The following ITSN1 variants were observed in gnomAD, a reference collection of about 807,000 sequenced individuals.
ITSN1 encodes the protein intersectin 1.
In ITSN1, 58 loss-of-function variants were observed where a neutral mutation model predicts 239.8. The observed-to-expected ratio is 0.24, with a 90% CI of 0.20 to 0.30. The LOEUF is 0.30. Ranked by LOEUF, ITSN1 falls within the 10% of genes least tolerant of loss-of-function variation. The pLI is 1.00. For synonymous variants in ITSN1, 780 were observed against 770.8 expected (o/e 1.01, Z -0.20); for missense variants, 1,558 against 2,103.3 (o/e 0.74, Z 5.07).
At chr21:33,866,705 C>T (rs762873379) in intron 32 of ITSN1, among the ~76,000 whole-genome samples, 2 of 152,204 alleles carry the variant, frequency 1.3e-5, no homozygotes, top group African/African-American at 4.8e-5. Context: ...AGTGGCCAGA[C>T]CCTGAAACTG....
chr21:33,675,399 T>TAA lies in ITSN1; in HGVS notation c.-33+32694_-33+32695dup, dbSNP rs1470241783. Among the ~76,000 whole-genome samples, 4 of 150,528 alleles carry TAA rather than the reference T, an allele frequency of 2.7e-5. No homozygotes were observed. In the East Asian group the frequency reaches 7.8e-4, roughly 29 times the overall value. On this transcript the variant is annotated intron_variant, in intron 1 of 39. Coordinates refer to ENST00000381318, the MANE Select transcript of ITSN1 (RefSeq NM_003024.3). ...CAACACGGTGAAACCCTGTCTCTAT[T>TAA]AAAAAAAAATACAAAAAATTAGCCA...
chr21:33,725,548 T>C (rs969061525), intron 4 of ITSN1, among the ~76,000 whole-genome samples: 2 of 152,138 alleles, frequency 1.3e-5, no homozygotes, highest in African/African-American at 4.8e-5. Flanking sequence ...TGCAGTCAGC[T>C]ATGATTGTGC....
intron 28 of ITSN1, 22 bp downstream of exon 28, chr21:33,834,446 A>G (rs755917625): frequency 6.7e-7 from 1 of 1,499,616 alleles, no homozygotes; most frequent in Admixed American, 1.8e-5. Context: ...CGCATCTCTA[A>G]CTGGAAGATG....
At chr21:33,753,302 A>G (rs2067682333) in intron 7 of ITSN1, among the ~76,000 whole-genome samples, 1 of 152,194 alleles carries the variant, frequency 6.6e-6, no homozygotes, top group East Asian at 1.9e-4. Context: ...CAGGCACATC[A>G]TTAATCCTAT....
intron 31 of ITSN1, among the ~76,000 whole-genome samples, chr21:33,861,295 G>GGAGGCA (rs1183538952): frequency 6.6e-6 from 1 of 152,074 alleles, no homozygotes; most frequent in Non-Finnish European, 1.5e-5. Context: ...GCCGAGAGAG[G>GGAGGCA]GAGGCATTTG....
Position 33,865,154 on chromosome 21 carries a change from G to A in ITSN1, c.3894G>A (p.Ala1298=), listed in dbSNP as rs750401025. 2.4e-5 allele frequency: 38 copies of A among 1,612,932 alleles called. 1 individual carries two copies. The highest frequency in any genetic ancestry group is 2.2e-5 in the South Asian group (2 of 90,790). Residue 1298 remains alanine, a synonymous_variant, in exon 32 of 40, where the codon GCG becomes GCA. Transcript: ENST00000381318. This position sits in a 1 kb window ranked among gnomAD's most constrained non-coding sequence, Gnocchi z 4.4. ...CACCTCCCGTGTTTCCGTGCAGAGC[G>A]CTGAGAGTCCGCAAGAAGATGTCCG... The part of the protein sequence containing the change: ...LIMCNIKLLK[A]LRVRKKMSGE...
chr21:33,656,715 GTTTA>G (rs901540716), intron 1 of ITSN1, among the ~76,000 whole-genome samples: 3 of 151,958 alleles, frequency 2.0e-5, no homozygotes, highest in African/African-American at 7.2e-5. Flanking sequence ...TTATTTATTT[GTTTA>G]TTTATTTATT....
At chr21:33,878,887 C>G (rs1193529332) in intron 34 of ITSN1, among the ~76,000 whole-genome samples, 1 of 152,160 alleles carries the variant, frequency 6.6e-6, no homozygotes, top group Non-Finnish European at 1.5e-5. Flanking sequence ...AGCTTATGGT[C>G]CAGGAGGAAG....
At chr21:33,717,415 T>C (rs1035350454) in intron 1 of ITSN1, among the ~76,000 whole-genome samples, 46 of 152,186 alleles carry the variant, frequency 3.0e-4, no homozygotes, top group African/African-American at 9.6e-4. Flanking sequence ...CAGGCTGATC[T>C]TGAACTCTTG....
chr21:33,838,281 G>A (rs1602545282), intron 29 of ITSN1: 5 of 985,306 alleles, frequency 5.1e-6, no homozygotes, highest in African/African-American at 1.7e-5. Context: ...TTCTCCCGGC[G>A]CTGTCGGGAG....
intron 1 of ITSN1, among the ~76,000 whole-genome samples, chr21:33,663,396 C>CT (rs2089702618): frequency 7.5e-3 from 1 of 134 alleles, no homozygotes; most frequent in Non-Finnish European, 0.02. Context: ...GGCCGTTAGG[C>CT]ATAGCTTTGC....
At chr21:33,857,635 C>T (rs540899377) in intron 30 of ITSN1, among the ~76,000 whole-genome samples, 8 of 152,274 alleles carry the variant, frequency 5.3e-5, no homozygotes, top group East Asian at 1.9e-4. Flanking sequence ...CAGGGCTCGC[C>T]GCTGTTGGAG....
intron 1 of ITSN1, among the ~76,000 whole-genome samples, chr21:33,693,365 G>A (rs1309598204): frequency 1.3e-5 from 2 of 151,118 alleles, no homozygotes; most frequent in African/African-American, 4.9e-5. Context: ...TTTTTTGGTG[G>A]GGGGGTGGGG....
At chr21:33,796,123 C>A (rs545173956) in intron 17 of ITSN1, among the ~76,000 whole-genome samples, 2 of 151,986 alleles carry the variant, frequency 1.3e-5, no homozygotes, top group Non-Finnish European at 2.9e-5. Context: ...GCTACCACGC[C>A]CAGCTAATTT....
chr21:33,657,192 C>T (rs566953305), intron 1 of ITSN1, among the ~76,000 whole-genome samples: 87 of 152,138 alleles, frequency 5.7e-4, no homozygotes, highest in Non-Finnish European at 9.7e-4. Flanking sequence ...TTTGGAATCC[C>T]CAGTGTTTAT....
intron 5 of ITSN1, among the ~76,000 whole-genome samples, chr21:33,744,297 C>A (rs572824858): frequency 1.3e-5 from 2 of 152,134 alleles, no homozygotes; most frequent in South Asian, 4.2e-4. Context: ...ATTTTCTATA[C>A]CTTTGAAATC....
chr21:33,888,372 T>C lies in ITSN1; in HGVS notation c.*72T>C. On this transcript the variant is annotated 3_prime_UTR_variant, in exon 40 of 40. Coordinates refer to ENST00000381318, the MANE Select transcript of ITSN1 (RefSeq NM_003024.3). ...ACATGCTGTCTGGAAATTGTATTCCTTTTCTAAGAAACCACCATTTGGTAT... is the reference window on the plus strand; with the variant it reads ...ACATGCTGTCTGGAAATTGTATTCCCTTTCTAAGAAACCACCATTTGGTAT... 1 of 1,443,112 alleles carries C rather than the reference T, an allele frequency of 6.9e-7. No individual in the cohort carries two copies. The allele number at this position is 1,443,112 out of a possible 1,614,324, so 89.4% of individuals were successfully genotyped here. A position where few individuals can be genotyped will look rare whatever the true frequency, so the allele number is the denominator to read the frequency against.
chr21:33,707,684 C>G (rs1426836906), intron 1 of ITSN1, among the ~76,000 whole-genome samples: 1 of 152,132 alleles, frequency 6.6e-6, no homozygotes, highest in Non-Finnish European at 1.5e-5. Flanking sequence ...TTTCACTTAG[C>G]ATAATAATTT....
At chr21:33,664,449 G>C (rs2089787768) in intron 1 of ITSN1, among the ~76,000 whole-genome samples, 1 of 152,052 alleles carries the variant, frequency 6.6e-6, no homozygotes, top group South Asian at 2.1e-4. Flanking sequence ...CTCACTCTTG[G>C]GGAGGGCCTT....
Sources: gnomAD v4.1 joint callset for allele counts (sites outside exome capture counted in the v4.1 genomes callset) on GRCh38, gnomAD v4.1.1 for gene constraint, Gnocchi (gnomAD v3.1) non-coding constraint, MANE v1.5 for transcripts, NCBI Gene and HGNC (gene_info 2026-07-23, HGNC 2026-07-21) for gene names.